Variants in PTPRD observed in about 807,000 individuals in gnomAD.
PTPRD encodes the protein receptor-type tyrosine-protein phosphatase delta.
In PTPRD, 34 loss-of-function variants were observed where a neutral mutation model predicts 214.5. That is an observed-to-expected ratio of 0.16 (90% confidence interval 0.12 to 0.21). The LOEUF is 0.21. PTPRD is among the 10% of genes least tolerant of loss of function. PTPRD has a pLI of 1.00. For synonymous variants in PTPRD, 1,128 were observed against 845.7 expected, an observed-to-expected ratio of 1.33 and a Z score of -5.79; for missense variants, 2,545 against 2,398.7, an observed-to-expected ratio of 1.06 and a Z score of -1.27.
intron 8 of PTPRD, among the ~76,000 whole-genome samples, chr9:9,433,706 CTTGA>C (rs1280778365): frequency 2.6e-5 from 4 of 152,240 alleles, no homozygotes; most frequent in South Asian, 2.1e-4. Context: ...AAATCATCTT[CTTGA>C]TTATTACTGC....
intron 14 of PTPRD, among the ~76,000 whole-genome samples, chr9:8,597,965 T>C (rs903451256): frequency 2.0e-5 from 3 of 152,162 alleles, no homozygotes; most frequent in Admixed American, 2.0e-4. Context: ...TACAAATGTA[T>C]TAATAACTTT....
At chr9:10,468,200 A>G (rs2099006977) in intron 2 of PTPRD, among the ~76,000 whole-genome samples, 1 of 152,206 alleles carries the variant, frequency 6.6e-6, no homozygotes, top group African/African-American at 2.4e-5. Context: ...ACACATGCAC[A>G]TATATGTTTA....
At chr9:9,800,789 G>T (rs543799732) in intron 5 of PTPRD, 1 of 152,124 alleles carries the variant, frequency 6.6e-6, no homozygotes, top group Non-Finnish European at 1.5e-5. Context: ...GGTCAATAAA[G>T]GAGCTCATCC....
At chr9:8,962,792 C>T (rs148143782) in intron 11 of PTPRD, 3 of 152,158 alleles carry the variant, frequency 2.0e-5, no homozygotes, top group African/African-American at 7.2e-5. Flanking sequence ...ACATGTATTA[C>T]GTTTTAGGAC....
At chr9:9,212,513 TC>T (rs1264390200) in intron 9 of PTPRD, among the ~76,000 whole-genome samples, 1 of 152,108 alleles carries the variant, frequency 6.6e-6, no homozygotes, top group Non-Finnish European at 1.5e-5. Flanking sequence ...TTTGGTCAAA[TC>T]CATTGAGCAG....
At chr9:9,056,137 C>T (rs2099695818) in intron 10 of PTPRD, among the ~76,000 whole-genome samples, 1 of 152,112 alleles carries the variant, frequency 6.6e-6, no homozygotes, top group Admixed American at 6.6e-5. Context: ...TTCTAGACCT[C>T]AGTATTTAGA....
At chr9:9,497,088 G>C (rs1003323845) in intron 8 of PTPRD, among the ~76,000 whole-genome samples, 8 of 152,104 alleles carry the variant, frequency 5.3e-5, no homozygotes, top group Non-Finnish European at 8.8e-5. Flanking sequence ...GGGGTGTTTG[G>C]GGAGGCAGAG....
intron 45 of PTPRD, 84 bp downstream of exon 45, chr9:8,319,747 T>C: frequency 1.3e-6 from 2 of 1,505,810 alleles, no homozygotes; most frequent in Non-Finnish European, 1.8e-6. Flanking sequence ...TTGTGTCTGG[T>C]GTTGAGAGAG....
intron 11 of PTPRD, among the ~76,000 whole-genome samples, chr9:8,853,784 A>C (rs1480425590): frequency 6.6e-6 from 1 of 152,232 alleles, no homozygotes; most frequent in Non-Finnish European, 1.5e-5. Context: ...AGAATGTTTT[A>C]AAACACTGGT....
intron 8 of PTPRD, among the ~76,000 whole-genome samples, chr9:9,441,483 A>C (rs2087771432): frequency 6.6e-6 from 1 of 152,202 alleles, no homozygotes; most frequent in African/African-American, 2.4e-5. Context: ...TGGAGCATAG[A>C]GTGCTGAGGC....
intron 12 of PTPRD, among the ~76,000 whole-genome samples, chr9:8,716,594 G>C (rs888228600): frequency 7.6e-6 from 1 of 131,504 alleles, no homozygotes; most frequent in Non-Finnish European, 1.5e-5. Context: ...CCATCCCAAA[G>C]ATGTACTTCC....
intron 2 of PTPRD, among the ~76,000 whole-genome samples, chr9:10,399,279 CT>C (rs1436703586): frequency 2.0e-5 from 3 of 151,928 alleles, no homozygotes; most frequent in African/African-American, 7.2e-5. Flanking sequence ...CTTAGATATA[CT>C]TTTTTGATTT....
intron 11 of PTPRD, among the ~76,000 whole-genome samples, chr9:8,810,621 G>A (rs1280737534): frequency 6.6e-6 from 1 of 152,126 alleles, no homozygotes; most frequent in Non-Finnish European, 1.5e-5. Context: ...CAGTCATCAC[G>A]TCTTTAGTGT....
At chr9:9,306,842 A>T (rs1957309755) in intron 9 of PTPRD, among the ~76,000 whole-genome samples, 1 of 152,192 alleles carries the variant, frequency 6.6e-6, no homozygotes, top group Admixed American at 6.5e-5. Context: ...CCAAATCGTT[A>T]GCAAGATTTT....
At chr9:9,899,971 T>C (rs1488369921) in intron 5 of PTPRD, among the ~76,000 whole-genome samples, 1 of 151,602 alleles carries the variant, frequency 6.6e-6, no homozygotes, top group East Asian at 1.9e-4. Context: ...CTGAAAAAAG[T>C]AGAAGTAATA....
rs1491537336 is a variant in PTPRD, at chr9:8,315,618, ACT to A, written c.*2254_*2255del. 4.4e-6 allele frequency: 1 copy of A among 228,886 alleles called. No homozygotes were observed. Among genetic ancestry groups the A allele is most frequent in the Non-Finnish European group, 8.7e-6 (1 of 115,202 alleles). The allele number at this position is 228,886 out of a possible 1,614,324, so 14.2% of individuals were successfully genotyped here. A position where few individuals can be genotyped will look rare whatever the true frequency, so the allele number is the denominator to read the frequency against. On this transcript the variant is annotated 3_prime_UTR_variant, in exon 46 of 46. Transcript: ENST00000381196. ...CTCATTCTGAGGTAGCCTTCTAGAT[ACT>A]TTTTTTTAGTATTATATATATTTTC...
At chr9:10,269,571 G>A (rs1028343643) in intron 3 of PTPRD, among the ~76,000 whole-genome samples, 6 of 152,130 alleles carry the variant, frequency 3.9e-5, no homozygotes, top group Admixed American at 3.3e-4. Flanking sequence ...TCTCTGCCTA[G>A]TAAGACTGTA....
chr9:9,103,531 G>A (rs1320438281), intron 10 of PTPRD, among the ~76,000 whole-genome samples: 1 of 151,700 alleles, frequency 6.6e-6, no homozygotes, highest in Non-Finnish European at 1.5e-5. Context: ...GCTCACACTA[G>A]TTCTTGGTTT....
At chr9:9,870,779 C>G (rs1565902173) in intron 5 of PTPRD, among the ~76,000 whole-genome samples, 1 of 152,042 alleles carries the variant, frequency 6.6e-6, no homozygotes, top group East Asian at 1.9e-4. Context: ...TACACACACT[C>G]CAGGGGAAAT....
Sources: allele counts gnomAD v4.1 joint callset (sites outside exome capture counted in the v4.1 genomes callset), GRCh38; gene constraint gnomAD v4.1.1; transcripts MANE v1.5; gene names NCBI Gene and HGNC (gene_info 2026-07-23, HGNC 2026-07-21).